The following UBE2E2 variants were observed in gnomAD, a reference collection of about 807,000 sequenced individuals.
UBE2E2 encodes ubiquitin conjugating enzyme E2 E2.
A neutral mutation model predicts 24.7 loss-of-function variants in UBE2E2; 6 were observed. That is an observed-to-expected ratio of 0.24 (90% CI 0.13 to 0.48). The LOEUF (loss-of-function observed/expected upper bound fraction) is 0.48, where lower values mean the gene tolerates loss of function less well. UBE2E2 is among the 20% of genes least tolerant of loss of function. UBE2E2 has a pLI of 0.99. For synonymous variants in UBE2E2, 104 were observed against 83.6 expected (o/e 1.24, Z -1.33); for missense variants, 169 against 245.0 (o/e 0.69, Z 2.07).
intron 4 of UBE2E2, among the ~76,000 whole-genome samples, chr3:23,528,174 A>G (rs933369288): frequency 2.0e-5 from 3 of 152,202 alleles, no homozygotes; most frequent in Admixed American, 6.5e-5. Flanking sequence ...TCCTCACCCC[A>G]CATTTGGTCA....
chr3:23,222,035 C>T (rs905903178), intron 3 of UBE2E2, among the ~76,000 whole-genome samples: 4 of 150,252 alleles, frequency 2.7e-5, no homozygotes, highest in Admixed American at 6.6e-5. Flanking sequence ...CTGGTAACTA[C>T]CAGTCTACTC....
chr3:23,581,984 G>T (rs1387923031), intron 5 of UBE2E2, among the ~76,000 whole-genome samples: 1 of 152,074 alleles, frequency 6.6e-6, no homozygotes, highest in Non-Finnish European at 1.5e-5. Context: ...ATGTCACAGG[G>T]GTTTGATATA....
At chr3:23,584,858 C>A (rs574757643) in intron 5 of UBE2E2, among the ~76,000 whole-genome samples, 1 of 151,818 alleles carries the variant, frequency 6.6e-6, no homozygotes, top group Non-Finnish European at 1.5e-5. Flanking sequence ...AGGCATGAGC[C>A]GCTGTGCCCA....
chr3:23,259,721 C>A (rs557668195), intron 3 of UBE2E2, among the ~76,000 whole-genome samples: 3 of 152,054 alleles, frequency 2.0e-5, no homozygotes, highest in Non-Finnish European at 4.4e-5. Context: ...GATGATTCAG[C>A]GTATTGGAAG....
chr3:23,360,121 A>T (rs1696070654), intron 3 of UBE2E2, among the ~76,000 whole-genome samples: 1 of 152,168 alleles, frequency 6.6e-6, no homozygotes, highest in South Asian at 2.1e-4. Context: ...TAATAGATGA[A>T]TTTTTATAAA....
At chr3:23,515,810 AAAAG>A (rs1417857267) in intron 4 of UBE2E2, among the ~76,000 whole-genome samples, 1 of 151,546 alleles carries the variant, frequency 6.6e-6, no homozygotes, top group East Asian at 1.9e-4. Context: ...AAAAAAAAAA[AAAAG>A]AAAAGAAAAA....
At chr3:23,450,522 G>A (rs1021535049) in intron 3 of UBE2E2, among the ~76,000 whole-genome samples, 2 of 151,914 alleles carry the variant, frequency 1.3e-5, no homozygotes, top group Non-Finnish European at 2.9e-5. Flanking sequence ...AGAAAAATTT[G>A]CCTTGTATTA....
intron 4 of UBE2E2, among the ~76,000 whole-genome samples, chr3:23,528,547 T>C (rs1025180328): frequency 6.6e-6 from 1 of 152,166 alleles, no homozygotes; most frequent in Admixed American, 6.5e-5. Context: ...GCCTTTTTAC[T>C]TTGTTTAGTT....
intron 3 of UBE2E2, among the ~76,000 whole-genome samples, chr3:23,366,231 G>C (rs1696252815): frequency 6.6e-6 from 1 of 152,194 alleles, no homozygotes; most frequent in Non-Finnish European, 1.5e-5. Context: ...AATTAGTTTA[G>C]CCATTGTGGA....
Position 23,539,847 on chromosome 3 carries a change from G to A in UBE2E2, c.508+7146G>A, listed in dbSNP as rs549867334. Among the ~76,000 whole-genome samples the A allele has an allele frequency of 3.4e-4, 51 of 152,128 alleles. 1 individual carries two copies. The highest frequency in any genetic ancestry group is 1.1e-3 in the African/African-American group (46 of 41,488). On this transcript the variant is annotated intron_variant, in intron 5 of 5. Transcript: ENST00000396703. ...TTGGAAATTTTCACTAAGTGAAGAC[G>A]TAATAATTTTAAGTACATATAGGAA...
intron 3 of UBE2E2, among the ~76,000 whole-genome samples, chr3:23,252,931 G>A (rs1228494113): frequency 6.6e-6 from 1 of 152,178 alleles, no homozygotes; most frequent in African/African-American, 2.4e-5. Flanking sequence ...CTTGTAAAGA[G>A]ACTAGTAAGA....
At chr3:23,525,565 C>G (rs1694975846) in intron 4 of UBE2E2, among the ~76,000 whole-genome samples, 1 of 152,150 alleles carries the variant, frequency 6.6e-6, no homozygotes, top group African/African-American at 2.4e-5. Context: ...ATAATTTTAC[C>G]TATCATTGAG....
intron 3 of UBE2E2, among the ~76,000 whole-genome samples, chr3:23,302,541 G>C (rs746873143): frequency 6.6e-6 from 1 of 152,122 alleles, no homozygotes; most frequent in Non-Finnish European, 1.5e-5. Context: ...TTGAACTTCT[G>C]TTACATCTAA....
intron 3 of UBE2E2, among the ~76,000 whole-genome samples, chr3:23,414,859 A>G (rs1157422340): frequency 6.6e-6 from 1 of 152,196 alleles, no homozygotes; most frequent in African/African-American, 2.4e-5. Context: ...CTCACCACAT[A>G]CAGAATCTGC....
At chr3:23,571,280 C>CTCTTTTTT (rs1696217145) in intron 5 of UBE2E2, among the ~76,000 whole-genome samples, 2 of 29,864 alleles carry the variant, frequency 6.7e-5, no homozygotes, top group African/African-American at 2.1e-4. Flanking sequence ...GTGCTCCTTT[C>CTCTTTTTT]TTTTTTTTTT....
chr3:23,213,714 A>G (rs1696390340), intron 2 of UBE2E2, among the ~76,000 whole-genome samples: 1 of 152,136 alleles, frequency 6.6e-6, no homozygotes, highest in Non-Finnish European at 1.5e-5. Flanking sequence ...GCAAGATAAT[A>G]GTTCTCCATC....
intron 3 of UBE2E2, among the ~76,000 whole-genome samples, chr3:23,230,600 C>T (rs923011195): frequency 6.6e-6 from 1 of 152,034 alleles, no homozygotes; most frequent in Non-Finnish European, 1.5e-5. Context: ...GCCTGACGAA[C>T]ATGGTGAAAC....
intron 5 of UBE2E2, among the ~76,000 whole-genome samples, chr3:23,580,949 A>G (rs1198758319): frequency 6.6e-6 from 1 of 152,240 alleles, no homozygotes; most frequent in African/African-American, 2.4e-5. Flanking sequence ...CCTTATGGTA[A>G]TGTCACGTAA....
chr3:23,564,367 G>A (rs1696011744), intron 5 of UBE2E2, among the ~76,000 whole-genome samples: 1 of 152,028 alleles, frequency 6.6e-6, no homozygotes, highest in Admixed American at 6.6e-5. Context: ...CAGTGCAAGG[G>A]GATGAATTAA....
Sources: gnomAD v4.1 joint callset for allele counts (sites outside exome capture counted in the v4.1 genomes callset) on GRCh38, gnomAD v4.1.1 for gene constraint, MANE v1.5 for transcripts, NCBI Gene and HGNC (gene_info 2026-07-23, HGNC 2026-07-21) for gene names.